The following HEATR6 variants were observed in gnomAD, a reference collection of about 807,000 sequenced individuals.
HEATR6 encodes HEAT repeat-containing protein 6.
In HEATR6, 106 loss-of-function variants were observed where a neutral mutation model predicts 132.8. The observed-to-expected ratio is 0.80, with a 90% CI of 0.68 to 0.94. The LOEUF is 0.94. Among genes scored for constraint, HEATR6 ranks in the 40% least tolerant of loss-of-function variants. The pLI is 0.00. For synonymous variants in HEATR6, 529 were observed against 537.8 expected, an observed-to-expected ratio of 0.98 and a Z score of 0.23; for missense variants, 1,339 against 1,425.1, an observed-to-expected ratio of 0.94 and a Z score of 0.97.
intron 9 of HEATR6, among the ~76,000 whole-genome samples, chr17:60,062,846 G>A (rs2083219363): frequency 6.6e-6 from 1 of 152,118 alleles, no homozygotes; most frequent in Non-Finnish European, 1.5e-5. Flanking sequence ...ATGGGGGCTG[G>A]TCTTCCCCCT....
At position 60,049,656 on chromosome 17, in the gene HEATR6, T is replaced by C. The variant is rs1906515460; in HGVS notation, c.2471A>G (p.Asp824Gly). 6.2e-7 allele frequency: 1 copy of C among 1,613,864 alleles called. No homozygotes were observed. Among genetic ancestry groups the C allele is most frequent in the Admixed American group, 1.7e-5 (1 of 60,016 alleles). The change falls in exon 16 of 20, where the codon GAC (aspartate) becomes GGC (glycine). Residue 824 changes from aspartate to glycine, a missense_variant. Physicochemically the swap from Asp to Gly is moderately conservative, Grantham distance 94. Coordinates refer to ENST00000184956, the MANE Select transcript of HEATR6 (RefSeq NM_022070.5). ...AGCTTTCACTAAGCGATTCTTGCTG[T>C]CATTCAGCCCGAGCAGCACTGTGAT... ...LCITVLLGLNDSKNRLVKAAT... is the reference protein window; with the variant it reads ...LCITVLLGLNGSKNRLVKAAT...
At chr17:60,048,125 T>C in intron 17 of HEATR6, 139 bp downstream of exon 17, 1 of 727,406 alleles carries the variant, frequency 1.4e-6, no homozygotes, top group Non-Finnish European at 2.1e-6. Flanking sequence ...TCTGAAGGAA[T>C]ATCAAACAAA....
chr17:60,070,861 G>C (rs1399131318), intron 5 of HEATR6, 54 bp from the exon 6 acceptor site: 3 of 966,240 alleles, frequency 3.1e-6, no homozygotes, highest in African/African-American at 1.6e-5. Context: ...TGGTTGTCCA[G>C]GAATCAACTT....
chr17:60,050,767 C>CA, intron 15 of HEATR6, 76 bp downstream of exon 15: 2 of 1,564,568 alleles, frequency 1.3e-6, no homozygotes. Context: ...AATACTGGTT[C>CA]AAAATGCAAA....
At position 60,041,561 on chromosome 17, in the gene HEATR6, A is replaced by G. The variant is rs1054541072; in HGVS notation, c.*2002T>C. Among the ~76,000 whole-genome samples, 2 of 152,200 alleles carry G rather than the reference A, an allele frequency of 1.3e-5. No homozygotes were observed. Among genetic ancestry groups the G allele is most frequent in the Admixed American group, 1.3e-4 (2 of 15,276 alleles). ...CTCAACTTAGTTTCCTGGGCCCTCT[A>G]TAACACTTCATGTTCAGAATTGTCT... On this transcript the variant is annotated 3_prime_UTR_variant, in exon 20 of 20. Coordinates refer to ENST00000184956, the MANE Select transcript of HEATR6 (RefSeq NM_022070.5).
intron 17 of HEATR6, among the ~76,000 whole-genome samples, 165 bp downstream of exon 17, chr17:60,048,099 T>C (rs2302202): frequency 0.13 from 19,769 of 152,216 alleles, 2,039 homozygotes; most frequent in African/African-American, 0.29. Flanking sequence ...TTAAGAACAG[T>C]TTATTAATTT....
intron 9 of HEATR6, chr17:60,064,902 C>T (rs1484989166): frequency 1.3e-5 from 2 of 152,118 alleles, no homozygotes; most frequent in African/African-American, 2.4e-5. Flanking sequence ...CTGTTCTAAA[C>T]CCCCGTGTCC....
chr17:60,075,595 A>T (rs2145203722), intron 2 of HEATR6: 1 of 152,306 alleles, frequency 6.6e-6, no homozygotes, highest in South Asian at 2.1e-4. Context: ...TGGTAGCTTC[A>T]GGAAAGGGGA....
chr17:60,051,802 C>T (rs1056857670), intron 14 of HEATR6, among the ~76,000 whole-genome samples: 1 of 152,182 alleles, frequency 6.6e-6, no homozygotes, highest in Admixed American at 6.5e-5. Context: ...TCTCCTACTT[C>T]AGCTCCTGGA....
intron 1 of HEATR6, among the ~76,000 whole-genome samples, chr17:60,078,310 G>C (rs1217731746): frequency 1.3e-5 from 2 of 152,278 alleles, no homozygotes; most frequent in Middle Eastern, 6.8e-3. Context: ...CTAATACTAC[G>C]CAAGTTCTAA....
chr17:60,072,304 C>T lies in HEATR6; in HGVS notation c.610G>A (p.Glu204Lys). 6.2e-7 allele frequency: 1 copy of T among 1,610,072 alleles called. No individual in the cohort carries two copies. The highest frequency in any genetic ancestry group is 8.5e-7 in the Non-Finnish European group (1 of 1,177,212). ...LSVPGQPYLEEPYQNVCFQAF... is the reference protein window; with the variant it reads ...LSVPGQPYLEKPYQNVCFQAF... ...TGGAAACAGACATTTTGGTAGGGCT[C>T]CTCCAAATACGGCTGTCCTGGCACA... The change falls in exon 5 of 20, where the codon GAG (glutamate) becomes AAG (lysine). Residue 204 changes from glutamate (E) to lysine (K), a missense_variant. Glu to Lys is a moderately conservative substitution (Grantham distance 56). Coordinates refer to ENST00000184956, the MANE Select transcript of HEATR6 (RefSeq NM_022070.5).
chr17:60,049,760 C>A (rs1434107260), intron 15 of HEATR6, 58 bp from the exon 16 acceptor site: 11 of 1,578,940 alleles, frequency 7.0e-6, no homozygotes, highest in Non-Finnish European at 9.5e-6. Context: ...AAGCCAAAGG[C>A]TTCCATAAAA....
Position 60,069,728 on chromosome 17 carries a change from C to G in HEATR6, c.922G>C (p.Ala308Pro). Residue 308 changes from alanine (A) to proline (P), a missense_variant, in exon 7 of 20, where the codon GCT becomes CCT. Physicochemically the swap from Ala to Pro is conservative, Grantham distance 27. Coordinates refer to ENST00000184956, the MANE Select transcript of HEATR6 (RefSeq NM_022070.5). ...PIKPQQSESS[A>P]SRPTLNKKKK... ...AAATGTACCAAAGTTGGTCGAGAAG[C>G]ACTGGATTCTGATTGCTGTGGTTTG... 2 of 1,614,052 alleles carry G rather than the reference C, an allele frequency of 1.2e-6. No homozygotes were observed. The highest frequency in any genetic ancestry group is 1.7e-6 in the Non-Finnish European group (2 of 1,179,986).
intron 18 of HEATR6, among the ~76,000 whole-genome samples, chr17:60,046,564 T>C (rs1906374019): frequency 6.6e-6 from 1 of 152,220 alleles, no homozygotes. Context: ...CTAGGTTCCA[T>C]AATTCCAGTC....
intron 2 of HEATR6, chr17:60,075,492 TTAAA>T (rs2083291684): frequency 1.3e-5 from 2 of 152,196 alleles, no homozygotes; most frequent in East Asian, 3.8e-4. Context: ...GGTAACAGTC[TTAAA>T]TAAATAACTG....
At chr17:60,058,272 T>C (rs1489355843) in intron 11 of HEATR6, among the ~76,000 whole-genome samples, 2 of 152,348 alleles carry the variant, frequency 1.3e-5, no homozygotes, top group East Asian at 3.9e-4. Context: ...ATTCATTTAG[T>C]TCTTTATTTG....
rs561131622 is a variant in HEATR6, at chr17:60,048,975, A to AACGTG, written c.2548-588_2548-587insCACGT. ...ATTAAAAATTAAAAATAAATAACAT[A>AACGTG]TATATATAATATATATATATATATA... On this transcript the variant is annotated intron_variant, in intron 16 of 19. Transcript: ENST00000184956. Among the ~76,000 whole-genome samples, 619 of 63,786 alleles carry AACGTG rather than the reference A, an allele frequency of 9.7e-3. 4 individuals carry two copies. Among genetic ancestry groups the AACGTG allele is most frequent in the African/African-American group, 0.086 (576 of 6,676 alleles). The allele number at this position is 63,786 out of a possible 152,430, so 41.8% of individuals were successfully genotyped here.
intron 9 of HEATR6, chr17:60,063,337 A>G (rs1341954763): frequency 6.6e-6 from 1 of 152,198 alleles, no homozygotes; most frequent in African/African-American, 2.4e-5. Context: ...TTTGCCCTGT[A>G]GTTTGTTTCT....
intron 9 of HEATR6, among the ~76,000 whole-genome samples, chr17:60,060,776 C>T (rs1301813741): frequency 6.6e-6 from 1 of 152,164 alleles, no homozygotes; most frequent in African/African-American, 2.4e-5. Flanking sequence ...ATCCAACTTT[C>T]AGAAACAGTC....
Sources: gnomAD v4.1 joint callset for allele counts (sites outside exome capture counted in the v4.1 genomes callset) on GRCh38, gnomAD v4.1.1 for gene constraint, MANE v1.5 for transcripts, NCBI Gene and HGNC (gene_info 2026-07-23, HGNC 2026-07-21) for gene names.